The following ZFYVE28 variants were observed in gnomAD, a reference collection of about 807,000 sequenced individuals.
ZFYVE28 encodes lateral signaling target protein 2 homolog.
Under a neutral mutation model 82.1 loss-of-function variants are expected in ZFYVE28, and 40 were observed. The observed-to-expected ratio is 0.49, with a 90% CI of 0.38 to 0.63. ZFYVE28 has a LOEUF of 0.63. Ranked by LOEUF, ZFYVE28 falls within the 30% of genes least tolerant of loss-of-function variation. The pLI is 0.00. For missense variants in ZFYVE28, 1,321 were observed against 1,242.1 expected (o/e 1.06, Z -0.96); for synonymous variants, 612 against 546.1 (o/e 1.12, Z -1.68).
At chr4:2,293,570 G>A (rs1274073010) in intron 8 of ZFYVE28, among the ~76,000 whole-genome samples, 1 of 151,828 alleles carries the variant, frequency 6.6e-6, no homozygotes, top group Non-Finnish European at 1.5e-5. Context: ...TGGCTAACAC[G>A]GTGAAACCCC....
At chr4:2,296,706 GA>G (rs1714624836) in intron 8 of ZFYVE28, among the ~76,000 whole-genome samples, 1 of 152,140 alleles carries the variant, frequency 6.6e-6, no homozygotes, top group South Asian at 2.1e-4. Flanking sequence ...GCCTCCCAGT[GA>G]GGGGGAGGGG....
intron 8 of ZFYVE28, among the ~76,000 whole-genome samples, chr4:2,303,246 G>A (rs758883434): frequency 3.9e-5 from 6 of 152,272 alleles, no homozygotes; most frequent in East Asian, 1.9e-4. Flanking sequence ...GCGAGCTCAC[G>A]ACCTGGGAGG....
intron 7 of ZFYVE28, among the ~76,000 whole-genome samples, chr4:2,310,420 T>G (rs1717315918): frequency 6.6e-6 from 1 of 152,216 alleles, no homozygotes; most frequent in African/African-American, 2.4e-5. Flanking sequence ...TATTTGCATC[T>G]ATGTTCATGA....
rs79725858 is a variant in ZFYVE28, at chr4:2,306,420, C to A, written c.804-884G>T. On this transcript the variant is annotated intron_variant, in intron 7 of 12. Transcript: ENST00000290974. ...CCCAGATTTAGAAGTGAAACCCCAA[C>A]CAGGCCCCCGGCACCCTGGCTCTCG... 3.9e-3 allele frequency among the ~76,000 whole-genome samples: 601 copies of A among 152,328 alleles called. 5 individuals are homozygous for A. Among genetic ancestry groups the A allele is most frequent in the African/African-American group, 0.014 (584 of 41,568 alleles).
At chr4:2,303,306 C>A (rs770878101) in intron 8 of ZFYVE28, among the ~76,000 whole-genome samples, 1 of 152,188 alleles carries the variant, frequency 6.6e-6, no homozygotes, top group African/African-American at 2.4e-5. Flanking sequence ...GAACCCCCTT[C>A]CCCAGTGTGA....
chr4:2,379,056 G>A (rs985893112), intron 1 of ZFYVE28, among the ~76,000 whole-genome samples: 1 of 152,172 alleles, frequency 6.6e-6, no homozygotes, highest in African/African-American at 2.4e-5. Flanking sequence ...AACTCCAGGG[G>A]CCTGGCTGTC....
chr4:2,310,982 T>C (rs1291298348), intron 7 of ZFYVE28, among the ~76,000 whole-genome samples: 1 of 152,186 alleles, frequency 6.6e-6, no homozygotes, highest in Non-Finnish European at 1.5e-5. Context: ...TAATAGATAT[T>C]GGATTAAAAG....
intron 1 of ZFYVE28, among the ~76,000 whole-genome samples, chr4:2,385,128 G>A (rs2108918364): frequency 6.6e-6 from 1 of 152,282 alleles, no homozygotes; most frequent in East Asian, 1.9e-4. Flanking sequence ...GTCACTCAGG[G>A]ACCCACCTCA....
Position 2,362,853 on chromosome 4 carries a change from G to A in ZFYVE28, c.40-8780C>T, listed in dbSNP as rs1451726011. 1.3e-5 allele frequency among the ~76,000 whole-genome samples: 2 copies of A among 152,200 alleles called. No homozygotes were observed. The highest frequency in any genetic ancestry group is 4.8e-5 in the African/African-American group (2 of 41,564). On this transcript the variant is annotated intron_variant, in intron 1 of 12. Coordinates refer to ENST00000290974, the MANE Select transcript of ZFYVE28 (RefSeq NM_020972.3). This position sits in a 1 kb window ranked among gnomAD's most constrained non-coding sequence, Gnocchi z 5.1. ...GGGTCAGCAGGAGGCCTGGCAGGGA[G>A]TGAGGATGGGACGGTCCTGCTCACT... is the stretch of plus-strand genomic sequence containing the variant.
intron 4 of ZFYVE28, 44 bp from the exon 5 acceptor site, chr4:2,337,540 C>A: frequency 1.3e-6 from 2 of 1,518,074 alleles, no homozygotes; most frequent in South Asian, 1.3e-5. Flanking sequence ...TGGGCTGTGG[C>A]GGGGCCCCTC....
At chr4:2,351,266 T>TA (rs1724400085) in intron 2 of ZFYVE28, among the ~76,000 whole-genome samples, 1 of 152,132 alleles carries the variant, frequency 6.6e-6, no homozygotes, top group Non-Finnish European at 1.5e-5. Flanking sequence ...AATACCCTAC[T>TA]CATCTGGTCA....
intron 1 of ZFYVE28, among the ~76,000 whole-genome samples, chr4:2,356,452 C>T (rs1311782772): frequency 1.7e-5 from 2 of 117,730 alleles, no homozygotes; most frequent in African/African-American, 3.0e-5. Flanking sequence ...GTTGATGTGC[C>T]TGCCCCCCCG....
chr4:2,395,210 C>T (rs933012945), intron 1 of ZFYVE28, among the ~76,000 whole-genome samples: 1 of 64,626 alleles, frequency 1.5e-5, no homozygotes, highest in Non-Finnish European at 3.7e-5. Context: ...TTCTGCAGAG[C>T]AGACAGTGAG....
rs73797717 is a variant in ZFYVE28 at position 2,317,358 on chromosome 4, A to G, written c.803+2812T>C. 2.4e-3 allele frequency among the ~76,000 whole-genome samples: 372 copies of G among 152,288 alleles called. 1 individual carries two copies. Among genetic ancestry groups the G allele is most frequent in the African/African-American group, 8.6e-3 (358 of 41,576 alleles). ...AAGAATCATAAAGGTTACAGATGAC[A>G]CCTTTTCCACCAGAGGGGACTACCC... On this transcript the variant is annotated intron_variant, in intron 7 of 12. Transcript: ENST00000290974.
chr4:2,275,695 G>A (rs1373547784), intron 8 of ZFYVE28, among the ~76,000 whole-genome samples: 1 of 152,204 alleles, frequency 6.6e-6, no homozygotes, highest in Non-Finnish European at 1.5e-5. Context: ...CCTTGCTGGT[G>A]GGAGCGTCAG....
chr4:2,407,683 C>G (rs749072920), intron 1 of ZFYVE28, among the ~76,000 whole-genome samples: 1 of 152,142 alleles, frequency 6.6e-6, no homozygotes, highest in Non-Finnish European at 1.5e-5. Context: ...CTCTGCCTCC[C>G]AGATTCAAGT....
chr4:2,316,813 C>T (rs1377225384), intron 7 of ZFYVE28, among the ~76,000 whole-genome samples: 1 of 152,010 alleles, frequency 6.6e-6, no homozygotes, highest in Non-Finnish European at 1.5e-5. Context: ...CTGCCTCAGC[C>T]TCCCAAATAG....
chr4:2,415,823 C>A (rs1433016169), intron 1 of ZFYVE28, among the ~76,000 whole-genome samples: 1 of 152,234 alleles, frequency 6.6e-6, no homozygotes, highest in African/African-American at 2.4e-5. Flanking sequence ...CATACTCCGA[C>A]CCTTCAAACA....
At chr4:2,368,531 A>G (rs1244364189) in intron 1 of ZFYVE28, among the ~76,000 whole-genome samples, 4 of 151,964 alleles carry the variant, frequency 2.6e-5, no homozygotes, top group African/African-American at 9.7e-5. Context: ...CTACCCCTTC[A>G]TCGACTTTAT....
Sources: gnomAD v4.1 joint callset for allele counts (sites outside exome capture counted in the v4.1 genomes callset) on GRCh38, gnomAD v4.1.1 for gene constraint, Gnocchi (gnomAD v3.1) non-coding constraint, MANE v1.5 for transcripts, NCBI Gene and HGNC (gene_info 2026-07-23, HGNC 2026-07-21) for gene names.